The following FRMD3 variants were observed in gnomAD, a reference collection of about 807,000 sequenced individuals.
FRMD3 encodes the protein FERM domain-containing protein 3.
FRMD3 carries 33 observed loss-of-function variants against 70.2 expected under a neutral mutation model. That is an observed-to-expected ratio of 0.47 (90% CI 0.36 to 0.63). FRMD3 has a LOEUF of 0.63. FRMD3 is among the 20% of genes least tolerant of loss of function. FRMD3 has a pLI of 0.00. For synonymous variants in FRMD3, 279 were observed against 255.9 expected, an observed-to-expected ratio of 1.09 and a Z score of -0.86; for missense variants, 632 against 711.4, an observed-to-expected ratio of 0.89 and a Z score of 1.27.
At chr9:83,267,656 A>C (rs543915781) in intron 13 of FRMD3, among the ~76,000 whole-genome samples, 3 of 152,364 alleles carry the variant, frequency 2.0e-5, no homozygotes, top group African/African-American at 7.2e-5. Context: ...ATTAATTTTA[A>C]TAATGTGTTT....
chr9:83,499,019 G>T (rs1345697949), intron 1 of FRMD3, among the ~76,000 whole-genome samples: 1 of 152,132 alleles, frequency 6.6e-6, no homozygotes, highest in Non-Finnish European at 1.5e-5. Flanking sequence ...CTTGTATTGG[G>T]TCCTTGGGTT....
chr9:83,347,316 A>C (rs559914213), intron 4 of FRMD3, among the ~76,000 whole-genome samples: 3 of 152,310 alleles, frequency 2.0e-5, no homozygotes, highest in Admixed American at 6.5e-5. Flanking sequence ...TATAATAGCT[A>C]CCAAAAAATA....
At chr9:83,332,362 G>GTCTC (rs139408184) in intron 6 of FRMD3, among the ~76,000 whole-genome samples, 282 of 150,572 alleles carry the variant, frequency 1.9e-3, no homozygotes, top group African/African-American at 6.6e-3. Flanking sequence ...GGAAGAGTCA[G>GTCTC]TCTCTCTCTC....
intron 12 of FRMD3, among the ~76,000 whole-genome samples, chr9:83,297,316 C>A (rs997803957): frequency 6.6e-6 from 1 of 152,144 alleles, no homozygotes; most frequent in Non-Finnish European, 1.5e-5. Flanking sequence ...ACCTCCACTA[C>A]CAGCTTCTAA....
intron 1 of FRMD3, among the ~76,000 whole-genome samples, chr9:83,448,417 A>G (rs1053728942): frequency 1.2e-4 from 19 of 152,122 alleles, no homozygotes; most frequent in African/African-American, 4.6e-4. Context: ...GAGGTTGAAT[A>G]TAGTTCCGTG....
chr9:83,564,815 C>G, the FRMD3 span, among the ~76,000 whole-genome samples: 6 of 152,166 alleles, frequency 3.9e-5, no homozygotes, highest in South Asian at 1.0e-3. Context: ...GGAACCTGTA[C>G]GACGTGCATC....
chr9:83,358,479 G>A (rs1216414978), intron 3 of FRMD3, among the ~76,000 whole-genome samples: 1 of 152,040 alleles, frequency 6.6e-6, no homozygotes, highest in Non-Finnish European at 1.5e-5. Context: ...AATGATGGTG[G>A]TATTTTGACG....
At chr9:83,479,436 G>T (rs1274651449) in intron 1 of FRMD3, among the ~76,000 whole-genome samples, 1 of 122,250 alleles carries the variant, frequency 8.2e-6, no homozygotes, top group Non-Finnish European at 1.7e-5. Context: ...GGGAAAGAAG[G>T]AAGGAAGGGA....
At chr9:83,331,866 A>G in intron 6 of FRMD3, 1 of 717,492 alleles carries the variant, frequency 1.4e-6, no homozygotes, top group South Asian at 1.5e-5. Context: ...TGAACACCAT[A>G]GAATTGCATT....
Position 83,246,058 on chromosome 9 carries a change from GAACT to G in FRMD3, c.*1856_*1859del. ...TCATTTGCTCGACTGCAGGCTTCAC[GAACT>G]GAGTTTCAAAACTCATTTCCAAAAT... On this transcript the variant is annotated 3_prime_UTR_variant, in exon 14 of 14. Coordinates refer to ENST00000304195, the MANE Select transcript of FRMD3 (RefSeq NM_174938.6). The G allele has an allele frequency of 1.0e-6, 1 of 985,306 alleles. No individual in the cohort carries two copies. The highest frequency in any genetic ancestry group is 1.2e-6 in the Non-Finnish European group (1 of 829,914). 61.0% of individuals were successfully genotyped at this position (985,306 alleles called of 1,614,324 possible). A position where few individuals can be genotyped will look rare whatever the true frequency, so the allele number is the denominator to read the frequency against.
chr9:83,504,690 C>T (rs1217874113), intron 1 of FRMD3, among the ~76,000 whole-genome samples: 2 of 152,138 alleles, frequency 1.3e-5, no homozygotes, highest in African/African-American at 4.8e-5. Context: ...TACCGCTTCC[C>T]TACCTCTTCA....
intron 1 of FRMD3, among the ~76,000 whole-genome samples, chr9:83,522,393 TG>T (rs555471784): frequency 4.6e-5 from 7 of 151,846 alleles, no homozygotes; most frequent in Non-Finnish European, 1.0e-4. Context: ...CTTCAGCGGC[TG>T]GGGGGGCAGG....
At chr9:83,313,787 A>T in intron 6 of FRMD3, 40 bp from the exon 7 acceptor site, 1 of 1,456,156 alleles carries the variant, frequency 6.9e-7, no homozygotes, top group Non-Finnish European at 9.6e-7. Flanking sequence ...TTAAAATGGA[A>T]AAGAATAGAA....
chr9:83,248,292 C>G lies in FRMD3; in HGVS notation c.1420G>C (p.Glu474Gln). The change falls in exon 14 of 14, where the codon GAG (glutamate) becomes CAG (glutamine). Residue 474 changes from glutamate to glutamine, a missense_variant. Around this residue, in one of 3 missense-constraint regions of FRMD3, gnomAD observed 418 missense variants for 442.1 expected, o/e 0.95. Coordinates refer to ENST00000304195, the MANE Select transcript of FRMD3 (RefSeq NM_174938.6). ...DMLFDCPSRL[E>Q]LEREDTDSFE... ...GAATCTGTGTCTTCTCTTTCCAACT[C>G]AAGCCTAGAAGGACAGTCAAAGAGC... 1 of 1,614,202 alleles carries G rather than the reference C, an allele frequency of 6.2e-7. No individual in the cohort carries two copies. Among genetic ancestry groups the G allele is most frequent in the Non-Finnish European group, 8.5e-7 (1 of 1,180,038 alleles).
rs555765001 is a variant in FRMD3 at position 83,327,604 on chromosome 9, T to A, written c.596+7912A>T. 1.5e-3 allele frequency among the ~76,000 whole-genome samples: 230 copies of A among 152,278 alleles called. 1 individual carries two copies. The highest frequency in any genetic ancestry group is 5.2e-3 in the African/African-American group (215 of 41,566). ...GGATTTCACTCAGCTCTCATGCTGGTTAAAAGTTTGCCTAGTTGCCCTTAG... is the reference window on the plus strand; with the variant it reads ...GGATTTCACTCAGCTCTCATGCTGGATAAAAGTTTGCCTAGTTGCCCTTAG... On this transcript the variant is annotated intron_variant, in intron 6 of 13. Transcript: ENST00000304195.
At chr9:83,272,562 C>T (rs1390861831) in intron 13 of FRMD3, among the ~76,000 whole-genome samples, 5 of 152,096 alleles carry the variant, frequency 3.3e-5, no homozygotes, top group African/African-American at 7.2e-5. Flanking sequence ...TCTGCCTGGC[C>T]GCCCATCGTC....
intron 2 of FRMD3, among the ~76,000 whole-genome samples, chr9:83,374,398 T>A: frequency 1.3e-5 from 1 of 74,464 alleles, no homozygotes; most frequent in Non-Finnish European, 3.1e-5. Context: ...AAAAAACATA[T>A]ATTTACCCCG....
At chr9:83,417,941 C>T (rs1473023003) in intron 1 of FRMD3, among the ~76,000 whole-genome samples, 1 of 152,086 alleles carries the variant, frequency 6.6e-6, no homozygotes, top group African/African-American at 2.4e-5. Context: ...CATCTGGTGA[C>T]CACTGCTTCC....
chr9:83,388,672 G>A (rs907276964), intron 2 of FRMD3, among the ~76,000 whole-genome samples: 3 of 152,154 alleles, frequency 2.0e-5, no homozygotes, highest in Non-Finnish European at 4.4e-5. Flanking sequence ...TACCAAAAAG[G>A]GTAGGTGTCT....
Sources: allele counts gnomAD v4.1 joint callset (sites outside exome capture counted in the v4.1 genomes callset), GRCh38; gene constraint gnomAD v4.1.1; regional missense constraint gnomAD v4.1.1; transcripts MANE v1.5; gene names NCBI Gene and HGNC (gene_info 2026-07-23, HGNC 2026-07-21).